Variants in WSB1 observed in about 807,000 individuals in gnomAD.
WSB1 encodes the protein WD repeat and SOCS box-containing protein 1.
WSB1 carries 23 observed loss-of-function variants against 50.2 expected under a neutral mutation model. The observed-to-expected ratio is 0.46, with a 90% CI of 0.33 to 0.65. WSB1 has a LOEUF of 0.65. Among genes scored for constraint, WSB1 ranks in the 30% least tolerant of loss-of-function variants. The pLI, the probability that WSB1 is intolerant of heterozygous loss-of-function variation, is 0.02. For missense variants in WSB1, 492 were observed against 522.3 expected, an observed-to-expected ratio of 0.94 and a Z score of 0.56; for synonymous variants, 179 against 172.0, an observed-to-expected ratio of 1.04 and a Z score of -0.32.
intron 8 of WSB1, among the ~76,000 whole-genome samples, chr17:27,311,932 G>A (rs2017701741): frequency 1.3e-5 from 2 of 152,096 alleles, no homozygotes; most frequent in Admixed American, 6.6e-5. Context: ...ACAGGCGTGA[G>A]CCACCACACC....
In WSB1 at chr17:27,309,156, C is replaced by T. The variant is rs1253061144; in HGVS notation, c.768C>T (p.His256=). 2 of 1,613,210 alleles carry T rather than the reference C, an allele frequency of 1.2e-6. No individual in the cohort carries two copies. Among genetic ancestry groups the T allele is most frequent in the South Asian group, 1.1e-5 (1 of 90,974 alleles). The change falls in exon 6 of 9, where the codon CAC becomes CAT. Residue 256 remains histidine, a synonymous_variant. Coordinates refer to ENST00000262394, the MANE Select transcript of WSB1 (RefSeq NM_015626.10). ...TGATACGGAAACTAGAAGGACATCA[C>T]CATGATGTGGTAGCTTGTGACTTTT... ...YTMIRKLEGH[H]HDVVACDFSP... is the part of the protein sequence containing the mutation.
At chr17:27,296,154 G>A (rs561119231) in intron 1 of WSB1, among the ~76,000 whole-genome samples, 57 of 152,148 alleles carry the variant, frequency 3.7e-4, no homozygotes, top group African/African-American at 1.4e-3. Context: ...TTTTCTAAGA[G>A]ATGGATAGAG....
chr17:27,311,237 C>T (rs561844277), intron 7 of WSB1, among the ~76,000 whole-genome samples: 33 of 152,222 alleles, frequency 2.2e-4, no homozygotes, highest in African/African-American at 6.5e-4. Context: ...AGAAAGTTTC[C>T]GGGTGTGAAC....
intron 5 of WSB1, chr17:27,307,527 T>C (rs1266803031): frequency 3.5e-6 from 2 of 566,042 alleles, no homozygotes; most frequent in Non-Finnish European, 6.2e-6. Flanking sequence ...CATGTGATAA[T>C]TACAATACAC....
At chr17:27,303,961 T>G (rs1204176794) in intron 3 of WSB1, among the ~76,000 whole-genome samples, 1 of 152,250 alleles carries the variant, frequency 6.6e-6, no homozygotes, top group Non-Finnish European at 1.5e-5. Flanking sequence ...TTGTTTATGC[T>G]TTTTCAATGA....
Position 27,306,322 on chromosome 17 carries a change from T to C in WSB1, c.611-460T>C, listed in dbSNP as rs148158430. Among the ~76,000 whole-genome samples the C allele has an allele frequency of 4.2e-3, 634 of 151,312 alleles. 6 individuals are homozygous for C. Among genetic ancestry groups the C allele is most frequent in the African/African-American group, 0.015 (604 of 41,176 alleles). ...CTGCCTCCCAGGTTCAAGTAATTCT[T>C]GTGCCTCAGCCTCCCAAGTAGCTAG... On this transcript the variant is annotated intron_variant, in intron 4 of 8. Coordinates refer to ENST00000262394, the MANE Select transcript of WSB1 (RefSeq NM_015626.10).
Position 27,311,631 on chromosome 17 carries a change from C to CTATT in WSB1, c.1106+16_1106+17insATTT. The CTATT allele has an allele frequency of 1.9e-6, 1 of 537,246 alleles. No homozygotes were observed. Among genetic ancestry groups the CTATT allele is most frequent in the Non-Finnish European group, 2.9e-6 (1 of 349,458 alleles). The allele number at this position is 537,246 out of a possible 1,614,324, so 33.3% of individuals were successfully genotyped here. A position where few individuals can be genotyped will look rare whatever the true frequency, so the allele number is the denominator to read the frequency against. ...TTAGCTGCTGGGTAAATATATTTTT[C>CTATT]TCTTTTTTTTTTTTTTTTTTTTTTT... is the stretch of plus-strand genomic sequence containing the variant. On this transcript the variant is annotated intron_variant, in intron 8 of 8. Coordinates refer to ENST00000262394, the MANE Select transcript of WSB1 (RefSeq NM_015626.10).
intron 1 of WSB1, among the ~76,000 whole-genome samples, chr17:27,297,999 C>T (rs1173817936): frequency 6.6e-6 from 1 of 151,720 alleles, no homozygotes; most frequent in African/African-American, 2.4e-5. Context: ...TGGTGCATAC[C>T]TGTAATCTAA....
At chr17:27,294,618 C>T (rs144092241) in intron 1 of WSB1, among the ~76,000 whole-genome samples, 183 bp downstream of exon 1, 3 of 152,268 alleles carry the variant, frequency 2.0e-5, no homozygotes, top group Non-Finnish European at 2.9e-5. Flanking sequence ...ACGGCACCGA[C>T]GTGGATGCAG....
At chr17:27,306,198 C>CTTTTTTTTTTTTTTTTT (rs1318150595) in intron 4 of WSB1, among the ~76,000 whole-genome samples, 1 of 109,832 alleles carries the variant, frequency 9.1e-6, no homozygotes, top group African/African-American at 3.3e-5. Flanking sequence ...TAAAAGAATT[C>CTTTTTTTTTTTTTTTTT]TGTCTTTTTT....
In WSB1 at chr17:27,303,365, A is replaced by G. The variant is rs747165972; in HGVS notation, c.210-2A>G. ...ATTTCCATCTGACTTCCCCCACTCC[A>G]GTCTCTTGCATGGCACCAAGAATGT... is the stretch of plus-strand genomic sequence containing the variant. On this transcript the variant is annotated splice_acceptor_variant, in intron 2 of 8. Coordinates refer to ENST00000262394, the MANE Select transcript of WSB1 (RefSeq NM_015626.10). LOFTEE classifies it high-confidence loss of function. The G allele has an allele frequency of 6.2e-7, 1 of 1,613,178 alleles. No homozygotes were observed. Among genetic ancestry groups the G allele is most frequent in the South Asian group, 1.1e-5 (1 of 91,056 alleles).
At position 27,304,819 on chromosome 17, in the gene WSB1, T is replaced by C; in HGVS notation, c.518T>C (p.Val173Ala). 1 of 1,614,058 alleles carries C rather than the reference T, an allele frequency of 6.2e-7. No individual in the cohort carries two copies. The highest frequency in any genetic ancestry group is 1.1e-5 in the South Asian group (1 of 91,082). ...LLNLVDHTEV[V>A]RDLTFAPDGS... is the part of the protein sequence containing the mutation. The stretch of plus-strand genomic sequence containing the variant: ...AACTTGGTAGATCATACTGAAGTGG[T>C]CAGAGATTTAACTTTTGCTCCAGAT... Residue 173 changes from valine (V) to alanine (A), a missense_variant, in exon 4 of 9, where the codon GTC becomes GCC. Transcript: ENST00000262394.
At chr17:27,307,672 A>G in intron 5 of WSB1, 1 of 1,468,634 alleles carries the variant, frequency 6.8e-7, no homozygotes, top group South Asian at 1.2e-5. Flanking sequence ...CATAAGAAGA[A>G]CAAAATTAGA....
At chr17:27,300,682 T>A (rs2017188129) in intron 1 of WSB1, among the ~76,000 whole-genome samples, 1 of 148,128 alleles carries the variant, frequency 6.8e-6, no homozygotes, top group South Asian at 2.1e-4. Context: ...ATATAATGCA[T>A]TTTGGTTTTT....
chr17:27,294,487 CT>C, intron 1 of WSB1, 52 bp downstream of exon 1: 1 of 1,607,378 alleles, frequency 6.2e-7, no homozygotes, highest in Non-Finnish European at 8.5e-7. Flanking sequence ...GAGGCAGGGA[CT>C]CCCCGGAGGA....
chr17:27,307,073 G>A (rs865868211), intron 5 of WSB1, 191 bp downstream of exon 5: 55 of 601,502 alleles, frequency 9.1e-5, no homozygotes, highest in Middle Eastern at 4.3e-4. Flanking sequence ...GTGAGAAGTT[G>A]GATTGTTTTT....
intron 1 of WSB1, among the ~76,000 whole-genome samples, chr17:27,295,823 G>T (rs1473336196): frequency 6.7e-6 from 1 of 150,296 alleles, no homozygotes; most frequent in Non-Finnish European, 1.5e-5. Context: ...AAACTTTGCG[G>T]TCCTGTTTTC....
At position 27,306,765 on chromosome 17, in the gene WSB1, T is replaced by G. The variant is rs2017477070; in HGVS notation, c.611-17T>G. Reference sequence around the variant, plus strand: ...AGTGGATTCTAGGGTTAATACAGATTATTTCTTTTTGTTCAGGAAACATGA... The same window carrying G: ...AGTGGATTCTAGGGTTAATACAGATGATTTCTTTTTGTTCAGGAAACATGA... On this transcript the variant is annotated splice_polypyrimidine_tract_variant and intron_variant, in intron 4 of 8. Coordinates refer to ENST00000262394, the MANE Select transcript of WSB1 (RefSeq NM_015626.10). 1 of 1,612,898 alleles carries G rather than the reference T, an allele frequency of 6.2e-7. No individual in the cohort carries two copies. Among genetic ancestry groups the G allele is most frequent in the Non-Finnish European group, 8.5e-7 (1 of 1,179,076 alleles).
At chr17:27,311,451 A>G in intron 7 of WSB1, 58 bp from the exon 8 acceptor site, 2 of 1,425,112 alleles carry the variant, frequency 1.4e-6, no homozygotes, top group South Asian at 1.3e-5. Context: ...AAATTTTAAA[A>G]AAGTTGCTTT....
Sources: gnomAD v4.1 joint callset for allele counts (sites outside exome capture counted in the v4.1 genomes callset) on GRCh38, gnomAD v4.1.1 for gene constraint, MANE v1.5 for transcripts, NCBI Gene and HGNC (gene_info 2026-07-23, HGNC 2026-07-21) for gene names.